The following LRCH1 variants were observed in gnomAD, a reference collection of about 807,000 sequenced individuals.
LRCH1 encodes leucine-rich repeat and calponin homology domain-containing protein 1.
LRCH1 carries 23 observed loss-of-function variants against 94.9 expected under a neutral mutation model. The observed-to-expected ratio is 0.24, with a 90% CI of 0.17 to 0.34. The LOEUF is 0.34. Ranked by LOEUF, LRCH1 falls within the 10% of genes least tolerant of loss-of-function variation. LRCH1 has a pLI of 1.00. For missense variants in LRCH1, 790 were observed against 945.9 expected, an observed-to-expected ratio of 0.84 and a Z score of 2.16; for synonymous variants, 364 against 354.9, an observed-to-expected ratio of 1.03 and a Z score of -0.29.
At chr13:46,671,155 C>T (rs7325736) in intron 3 of LRCH1, among the ~76,000 whole-genome samples, 1 of 152,166 alleles carries the variant, frequency 6.6e-6, no homozygotes, top group Non-Finnish European at 1.5e-5. Flanking sequence ...ACACATCACT[C>T]TTTCGTCATG....
chr13:46,590,822 A>G (rs976595311), intron 1 of LRCH1, among the ~76,000 whole-genome samples: 20 of 152,222 alleles, frequency 1.3e-4, no homozygotes, highest in African/African-American at 4.6e-4. Flanking sequence ...TAGTTTAGCT[A>G]CTTTCACTCC....
At chr13:46,641,337 A>G (rs2051156010) in intron 1 of LRCH1, among the ~76,000 whole-genome samples, 1 of 152,226 alleles carries the variant, frequency 6.6e-6, no homozygotes, top group Non-Finnish European at 1.5e-5. Flanking sequence ...TCACCAAGGC[A>G]GTGGTCCCAG....
intron 18 of LRCH1, among the ~76,000 whole-genome samples, chr13:46,731,418 A>G (rs2138233815): frequency 6.6e-6 from 1 of 151,998 alleles, no homozygotes; most frequent in East Asian, 1.9e-4. Flanking sequence ...TTTACTAGAG[A>G]CGGGGTTTCA....
intron 1 of LRCH1, among the ~76,000 whole-genome samples, chr13:46,639,833 T>C (rs1424105136): frequency 6.6e-6 from 1 of 152,222 alleles, no homozygotes; most frequent in East Asian, 1.9e-4. Flanking sequence ...TCTGTACTCA[T>C]GTTTATTCCC....
At chr13:46,576,674 A>G (rs1255415175) in intron 1 of LRCH1, among the ~76,000 whole-genome samples, 1 of 152,086 alleles carries the variant, frequency 6.6e-6, no homozygotes, top group Non-Finnish European at 1.5e-5. Context: ...GGTTCAGTAG[A>G]ATTTTATATT....
intron 1 of LRCH1, among the ~76,000 whole-genome samples, chr13:46,641,414 T>C (rs889634743): frequency 5.3e-5 from 8 of 152,214 alleles, no homozygotes; most frequent in African/African-American, 1.7e-4. Context: ...GCAGGTTCCA[T>C]GCACTTTTGT....
intron 1 of LRCH1, among the ~76,000 whole-genome samples, chr13:46,621,924 T>C (rs2050884420): frequency 6.6e-6 from 1 of 152,204 alleles, no homozygotes; most frequent in Non-Finnish European, 1.5e-5. Flanking sequence ...TTCTCTGTAC[T>C]CTTAAATGCT....
At chr13:46,630,398 A>AG (rs2051004247) in intron 1 of LRCH1, among the ~76,000 whole-genome samples, 1 of 152,252 alleles carries the variant, frequency 6.6e-6, no homozygotes, top group African/African-American at 2.4e-5. Context: ...CAGCAAACTC[A>AG]AAGAATCAGA....
chr13:46,664,518 A>T (rs1019332642), intron 2 of LRCH1, among the ~76,000 whole-genome samples: 1 of 152,230 alleles, frequency 6.6e-6, no homozygotes, highest in East Asian at 1.9e-4. Flanking sequence ...GGGCTATATC[A>T]TATAGCCTAG....
intron 1 of LRCH1, among the ~76,000 whole-genome samples, chr13:46,576,436 G>A (rs2050305654): frequency 6.6e-6 from 1 of 152,220 alleles, no homozygotes; most frequent in Non-Finnish European, 1.5e-5. Context: ...AGTTGCTGCT[G>A]AACTCAGCAG....
chr13:46,744,995 A>G (rs1873853393), downstream of LRCH1: 2 of 780,022 alleles, frequency 2.6e-6, no homozygotes, highest in East Asian at 1.3e-4. Flanking sequence ...CCTTCATTCC[A>G]TAAATATTGA....
intron 1 of LRCH1, among the ~76,000 whole-genome samples, chr13:46,561,043 T>A (rs182054302): frequency 1.1e-4 from 17 of 152,296 alleles, no homozygotes; most frequent in Admixed American, 1.1e-3. Flanking sequence ...TGTTCACTGT[T>A]TTTCCTAACC....
chr13:46,675,704 C>T (rs144837894), intron 3 of LRCH1, among the ~76,000 whole-genome samples: 38 of 152,254 alleles, frequency 2.5e-4, no homozygotes, highest in African/African-American at 7.7e-4. Context: ...TTCACGTGCT[C>T]GCCATGCTGT....
intron 1 of LRCH1, among the ~76,000 whole-genome samples, chr13:46,629,306 GTT>G (rs5803362): frequency 3.3e-5 from 5 of 151,910 alleles, no homozygotes; most frequent in African/African-American, 9.7e-5. Flanking sequence ...GCCCATTTCT[GTT>G]TTTTATTTTT....
chr13:46,701,896 A>G (rs1277872161), intron 11 of LRCH1, among the ~76,000 whole-genome samples: 5 of 152,228 alleles, frequency 3.3e-5, no homozygotes, highest in African/African-American at 1.2e-4. Context: ...TATGATGAAC[A>G]CGGGAATCAC....
chr13:46,648,252 G>T (rs1309279704), intron 1 of LRCH1, among the ~76,000 whole-genome samples: 1 of 152,180 alleles, frequency 6.6e-6, no homozygotes, highest in Non-Finnish European at 1.5e-5. Context: ...CAATGCCCCA[G>T]CTGATCTGAC....
intron 3 of LRCH1, among the ~76,000 whole-genome samples, chr13:46,681,531 C>CT (rs1178281355): frequency 6.6e-6 from 1 of 152,178 alleles, no homozygotes; most frequent in African/African-American, 2.4e-5. Flanking sequence ...AATGTCCACC[C>CT]TTTCTCCATT....
intron 1 of LRCH1, among the ~76,000 whole-genome samples, chr13:46,607,224 C>A (rs1246839301): frequency 3.3e-5 from 5 of 152,168 alleles, no homozygotes; most frequent in African/African-American, 1.2e-4. Flanking sequence ...TTGATGGATA[C>A]CAAATAGCCA....
intron 1 of LRCH1, among the ~76,000 whole-genome samples, chr13:46,631,388 T>C (rs1033996560): frequency 1.3e-5 from 2 of 152,226 alleles, no homozygotes; most frequent in South Asian, 4.1e-4. Context: ...CAATGCATTG[T>C]ATATTTCCCA....
Sources: gnomAD v4.1 joint callset for allele counts (sites outside exome capture counted in the v4.1 genomes callset) on GRCh38, gnomAD v4.1.1 for gene constraint, MANE v1.5 for transcripts, NCBI Gene and HGNC (gene_info 2026-07-23, HGNC 2026-07-21) for gene names.